Variants in RBFOX1 observed in about 807,000 individuals in gnomAD.
RBFOX1 encodes RNA binding fox-1 homolog 1, also known as RNA binding protein fox-1 homolog 1.
Under a neutral mutation model 57.7 loss-of-function variants are expected in RBFOX1, and 8 were observed. That is an observed-to-expected ratio of 0.14 (90% CI 0.08 to 0.25). RBFOX1 has a LOEUF of 0.25. Among genes scored for constraint, RBFOX1 ranks in the 10% least tolerant of loss-of-function variants. The pLI is 1.00. For missense variants in RBFOX1, 611 were observed against 548.5 expected, an observed-to-expected ratio of 1.11 and a Z score of -1.14; for synonymous variants, 326 against 222.4, an observed-to-expected ratio of 1.47 and a Z score of -4.15.
intron 2 of RBFOX1, among the ~76,000 whole-genome samples, chr16:6,493,326 A>G (rs969552983): frequency 6.6e-6 from 1 of 152,160 alleles, no homozygotes; most frequent in African/African-American, 2.4e-5. Context: ...AAAATATTAA[A>G]TATGTGTTAA....
At chr16:6,717,586 T>C (rs1305462462) in intron 3 of RBFOX1, among the ~76,000 whole-genome samples, 2 of 151,224 alleles carry the variant, frequency 1.3e-5, no homozygotes, top group African/African-American at 4.8e-5. Flanking sequence ...CTGAAGTCTT[T>C]TTTTTTTTTT....
chr16:6,222,737 C>T (rs2097384478), intron 1 of RBFOX1, among the ~76,000 whole-genome samples: 1 of 147,714 alleles, frequency 6.8e-6, no homozygotes, highest in Non-Finnish European at 1.5e-5. Flanking sequence ...TTTTAGGGTA[C>T]ATGTGCACAA....
At chr16:5,506,051 T>G (rs758354052) in intron 2 of RBFOX1, among the ~76,000 whole-genome samples, 6 of 152,144 alleles carry the variant, frequency 3.9e-5, no homozygotes, top group Non-Finnish European at 8.8e-5. Context: ...AGTCCTAGAC[T>G]CTGAAACCTC....
chr16:5,635,300 T>C (rs1448935483), intron 3 of RBFOX1, among the ~76,000 whole-genome samples: 1 of 152,220 alleles, frequency 6.6e-6, no homozygotes, highest in East Asian at 1.9e-4. Context: ...ACAGGGATCA[T>C]ACAAAACAGT....
intron 3 of RBFOX1, among the ~76,000 whole-genome samples, chr16:6,961,520 G>T (rs1379205888): frequency 6.6e-6 from 1 of 152,206 alleles, no homozygotes; most frequent in East Asian, 1.9e-4. Flanking sequence ...GAGCGAGTCC[G>T]TAAAGTCAAA....
chr16:5,730,995 A>C (rs1276345240), intron 3 of RBFOX1, among the ~76,000 whole-genome samples: 1 of 148,440 alleles, frequency 6.7e-6, no homozygotes, highest in African/African-American at 2.4e-5. Context: ...CATCATCACC[A>C]TTACCACTGC....
rs1276275381 is a variant in RBFOX1 at position 5,420,202 on chromosome 16, A to G, written c.220-47014A>G. ...ATAATGCAATGCTGGTTTGGGGTCA[A>G]TGAAGTAGATTTAAACAAACAAGGT... is the stretch of plus-strand genomic sequence containing the variant. On this transcript the variant is annotated intron_variant, in intron 1 of 2. Coordinates refer to the RBFOX1 transcript ENST00000585867. Among the ~76,000 whole-genome samples the G allele has an allele frequency of 5.9e-5, 9 of 152,340 alleles. No homozygotes were observed. In the South Asian group the frequency reaches 8.3e-4, roughly 14 times the overall value.
intron 3 of RBFOX1, among the ~76,000 whole-genome samples, chr16:6,891,799 C>T (rs1050042274): frequency 1.1e-4 from 16 of 152,152 alleles, no homozygotes; most frequent in African/African-American, 3.9e-4. Flanking sequence ...CAAAATAGAG[C>T]AAAGGTTGAG....
At chr16:5,852,197 C>T (rs906850008) in intron 3 of RBFOX1, among the ~76,000 whole-genome samples, 3 of 152,150 alleles carry the variant, frequency 2.0e-5, no homozygotes, top group African/African-American at 7.2e-5. Context: ...AAGATCGTGC[C>T]TTCAAGTTCA....
intron 3 of RBFOX1, among the ~76,000 whole-genome samples, chr16:7,027,557 C>T (rs539798229): frequency 1.3e-5 from 2 of 152,068 alleles, no homozygotes; most frequent in Admixed American, 6.6e-5. Context: ...TGTGGTTTCT[C>T]TTAGTCTTAG....
intron 4 of RBFOX1, among the ~76,000 whole-genome samples, chr16:7,446,637 G>T (rs1314072658): frequency 6.6e-6 from 1 of 151,944 alleles, no homozygotes; most frequent in Non-Finnish European, 1.5e-5. Context: ...AACCACATGA[G>T]CCTGTCTTCT....
Position 6,307,520 on chromosome 16 carries a change from T to C in RBFOX1, c.-126-9475T>C, listed in dbSNP as rs912814812. Reference sequence around the variant, plus strand: ...TAAATACATATGTAAATAATAGTCATTATATAATATCATTTAATATATTAA... The same window carrying C: ...TAAATACATATGTAAATAATAGTCACTATATAATATCATTTAATATATTAA... On this transcript the variant is annotated intron_variant, in intron 1 of 15. Coordinates refer to ENST00000550418, the MANE Select transcript of RBFOX1 (RefSeq NM_018723.4). 3.5e-5 allele frequency among the ~76,000 whole-genome samples: 5 copies of C among 144,262 alleles called. No individual in the cohort carries two copies. The Admixed American group carries it at 3.5e-4, about 10-fold the overall frequency. 94.6% of individuals were successfully genotyped at this position (144,262 alleles called of 152,430 possible). A position where few individuals can be genotyped will look rare whatever the true frequency, so the allele number is the denominator to read the frequency against.
At chr16:5,746,296 A>G (rs9924183) in intron 3 of RBFOX1, among the ~76,000 whole-genome samples, 38,065 of 151,994 alleles carry the variant, frequency 0.25, 5,611 homozygotes, top group East Asian at 0.58. Flanking sequence ...CCATTGGTCT[A>G]TATCTCTGTT....
intron 3 of RBFOX1, among the ~76,000 whole-genome samples, chr16:6,868,073 G>T (rs1033968595): frequency 6.6e-6 from 1 of 152,158 alleles, no homozygotes; most frequent in East Asian, 1.9e-4. Context: ...TGCCGTATGG[G>T]TGTTGAGAAA....
At chr16:7,219,829 A>C (rs2092584895) in intron 4 of RBFOX1, among the ~76,000 whole-genome samples, 1 of 152,216 alleles carries the variant, frequency 6.6e-6, no homozygotes, top group Admixed American at 6.5e-5. Context: ...CTTCCACCAA[A>C]GGATTTCCCA....
chr16:6,218,149 A>G (rs561963935), intron 1 of RBFOX1, among the ~76,000 whole-genome samples: 6 of 152,142 alleles, frequency 3.9e-5, no homozygotes, highest in Non-Finnish European at 7.4e-5. Flanking sequence ...TAACCAGATC[A>G]TTTGTTGAGC....
chr16:6,868,770 C>T (rs1029014928), intron 3 of RBFOX1, among the ~76,000 whole-genome samples: 2 of 152,164 alleles, frequency 1.3e-5, no homozygotes, highest in South Asian at 4.1e-4. Context: ...TGCACCCGGC[C>T]AGTATTTCTT....
chr16:6,629,446 T>C (rs1016368849), intron 2 of RBFOX1, among the ~76,000 whole-genome samples: 3 of 152,250 alleles, frequency 2.0e-5, no homozygotes, highest in Non-Finnish European at 4.4e-5. Context: ...TTTTATTTTT[T>C]AAGTACTCAT....
At chr16:7,513,503 C>G (rs996355329) in intron 4 of RBFOX1, among the ~76,000 whole-genome samples, 2 of 152,164 alleles carry the variant, frequency 1.3e-5, no homozygotes, top group South Asian at 2.1e-4. Context: ...GACCTTGGCA[C>G]TATTAACATT....
Sources: gnomAD v4.1 joint callset for allele counts (sites outside exome capture counted in the v4.1 genomes callset) on GRCh38, gnomAD v4.1.1 for gene constraint, MANE v1.5 for transcripts, NCBI Gene and HGNC (gene_info 2026-07-23, HGNC 2026-07-21) for gene names.